The following LY96 variants were observed in gnomAD, a reference collection of about 807,000 sequenced individuals.
The protein encoded by LY96 is lymphocyte antigen 96, also known as myeloid differentiation protein-2.
LY96 carries 18 observed loss-of-function variants against 18.9 expected under a neutral mutation model. The ratio of observed to expected loss-of-function variants is 0.95; its 90% CI spans 0.66 to 1.41. The LOEUF (loss-of-function observed/expected upper bound fraction) is 1.41, where lower values mean the gene tolerates loss of function less well. Ranked by LOEUF, LY96 falls within the 40% of genes most tolerant of loss-of-function variation. LY96 has a pLI of 0.00. For synonymous variants in LY96, 66 were observed against 62.6 expected (o/e 1.06, Z -0.26); for missense variants, 175 against 182.4 (o/e 0.96, Z 0.23).
At chr8:74,081,653 G>A in the LY96 span, among the ~76,000 whole-genome samples, 1 of 151,716 alleles carries the variant, frequency 6.6e-6, no homozygotes, top group African/African-American at 2.4e-5. Context: ...CTCGGCTGGT[G>A]TTTCTTTTTT....
the LY96 span, among the ~76,000 whole-genome samples, chr8:74,059,432 T>A: frequency 6.6e-6 from 1 of 152,242 alleles, no homozygotes. Context: ...TGGGGATTTC[T>A]CTATCAGATA....
At chr8:74,058,611 C>T in the LY96 span, among the ~76,000 whole-genome samples, 1 of 151,852 alleles carries the variant, frequency 6.6e-6, no homozygotes, top group Non-Finnish European at 1.5e-5. Flanking sequence ...CCTCCACCTC[C>T]TGGTTTCTAG....
At chr8:74,051,038 A>T in the LY96 span, among the ~76,000 whole-genome samples, 2,698 of 152,278 alleles carry the variant, frequency 0.018, 98 homozygotes, top group Admixed American at 0.079. Context: ...AATAAAAATT[A>T]TCTAAGACCC....
intron 3 of LY96, among the ~76,000 whole-genome samples, chr8:74,014,439 T>C (rs1816599145): frequency 6.9e-6 from 1 of 145,690 alleles, no homozygotes; most frequent in Non-Finnish European, 1.5e-5. Context: ...ACTGGATGTA[T>C]GGAAGTGCCA....
chr8:74,044,761 T>C, the LY96 span, among the ~76,000 whole-genome samples: 1 of 152,218 alleles, frequency 6.6e-6, no homozygotes, highest in Admixed American at 6.5e-5. Flanking sequence ...TAAACATTCA[T>C]GAATTAACCA....
chr8:74,077,916 T>C, the LY96 span, among the ~76,000 whole-genome samples: 1 of 151,946 alleles, frequency 6.6e-6, no homozygotes, highest in African/African-American at 2.4e-5. Context: ...AAGACCAGCC[T>C]GGGAAACGAA....
chr8:74,024,527 G>A (rs139088891), intron 3 of LY96, among the ~76,000 whole-genome samples: 3 of 152,130 alleles, frequency 2.0e-5, no homozygotes, highest in African/African-American at 7.2e-5. Flanking sequence ...CCTAGGCATT[G>A]TTCTTAGCAC....
At chr8:74,069,575 AATTTATTT>A in the LY96 span, among the ~76,000 whole-genome samples, 86 of 152,010 alleles carry the variant, frequency 5.7e-4, no homozygotes, top group South Asian at 5.0e-3. Flanking sequence ...GCAGCCAATC[AATTTATTT>A]ATTTATTTAT....
chr8:74,054,638 T>C, the LY96 span, among the ~76,000 whole-genome samples: 1 of 129,934 alleles, frequency 7.7e-6, no homozygotes. Context: ...CTTTCTTTCT[T>C]TCTTTCTTTC....
At chr8:73,993,248 T>C (rs1816047693) in intron 1 of LY96, among the ~76,000 whole-genome samples, 1 of 152,112 alleles carries the variant, frequency 6.6e-6, no homozygotes, top group South Asian at 2.1e-4. Context: ...ACTCAATTTG[T>C]CTTTTTAAAA....
the LY96 span, among the ~76,000 whole-genome samples, chr8:74,078,648 C>A: frequency 6.6e-6 from 1 of 152,074 alleles, no homozygotes; most frequent in African/African-American, 2.4e-5. Context: ...TGGCAGCACC[C>A]CTGGGGCAGC....
At chr8:74,022,159 G>T (rs1239479536) in intron 3 of LY96, among the ~76,000 whole-genome samples, 1 of 152,142 alleles carries the variant, frequency 6.6e-6, no homozygotes, top group Non-Finnish European at 1.5e-5. Context: ...TGTAATCCCA[G>T]CACTTTGGGA....
chr8:74,084,754 C>T, the LY96 span, among the ~76,000 whole-genome samples: 1 of 152,180 alleles, frequency 6.6e-6, no homozygotes, highest in East Asian at 1.9e-4. Context: ...GCTGGGATTA[C>T]AGGCGCCTGC....
the LY96 span, among the ~76,000 whole-genome samples, chr8:74,048,446 G>T: frequency 9.6e-4 from 146 of 152,064 alleles, 3 homozygotes; most frequent in Non-Finnish European, 3.4e-4. Flanking sequence ...AAATCCGGGT[G>T]GGCCTAAGCA....
the LY96 span, among the ~76,000 whole-genome samples, chr8:74,098,062 A>G: frequency 6.6e-6 from 1 of 152,196 alleles, no homozygotes; most frequent in East Asian, 1.9e-4. Flanking sequence ...AAGCTTTTCC[A>G]ATAAATAGCT....
chr8:74,039,802 G>A, the LY96 span, among the ~76,000 whole-genome samples: 2 of 152,254 alleles, frequency 1.3e-5, no homozygotes, highest in East Asian at 1.9e-4. Context: ...CCAGGAGTAC[G>A]GGAGGAACAT....
chr8:74,042,100 G>A, the LY96 span, among the ~76,000 whole-genome samples: 1 of 152,250 alleles, frequency 6.6e-6, no homozygotes, highest in African/African-American at 2.4e-5. Context: ...AAAATAGAAA[G>A]AACCTACACT....
At chr8:74,042,799 A>C in the LY96 span, among the ~76,000 whole-genome samples, 1 of 149,040 alleles carries the variant, frequency 6.7e-6, no homozygotes, top group African/African-American at 2.5e-5. Context: ...TTTTTTCGAG[A>C]CAGAGTCTTG....
chr8:74,013,857 A>G (rs1816582780), intron 3 of LY96, among the ~76,000 whole-genome samples: 1 of 152,168 alleles, frequency 6.6e-6, no homozygotes, highest in African/African-American at 2.4e-5. Context: ...CAGTGTGAGC[A>G]TGTAACTCAT....
Sources: allele counts gnomAD v4.1 joint callset (sites outside exome capture counted in the v4.1 genomes callset), GRCh38; gene constraint gnomAD v4.1.1; transcripts MANE v1.5; gene names NCBI Gene and HGNC (gene_info 2026-07-23, HGNC 2026-07-21).